The following CABP1 variants were observed in gnomAD, a reference collection of about 807,000 sequenced individuals.
CABP1 encodes the protein calcium-binding protein 1.
Under a neutral mutation model 34.3 loss-of-function variants are expected in CABP1, and 17 were observed. The observed-to-expected ratio is 0.50, with a 90% confidence interval of 0.34 to 0.74. The LOEUF is 0.74. CABP1 is among the 30% of genes least tolerant of loss of function. CABP1 has a pLI of 0.01. For synonymous variants in CABP1, 198 were observed against 229.2 expected, an observed-to-expected ratio of 0.86 and a Z score of 1.23; for missense variants, 373 against 511.1, an observed-to-expected ratio of 0.73 and a Z score of 2.61.
chr12:120,679,954 T>G, the CABP1 span, among the ~76,000 whole-genome samples: 1 of 152,196 alleles, frequency 6.6e-6, no homozygotes, highest in Admixed American at 6.5e-5. Context: ...GGCGGATCAC[T>G]TGAGGTCTGG....
At chr12:120,645,792 G>T (rs1196424935) in intron 1 of CABP1, among the ~76,000 whole-genome samples, 1 of 152,134 alleles carries the variant, frequency 6.6e-6, no homozygotes, top group Non-Finnish European at 1.5e-5. Flanking sequence ...TTGTGCCTCT[G>T]CACTCCAGCC....
chr12:120,642,898 G>A (rs1879400010), intron 1 of CABP1, among the ~76,000 whole-genome samples: 1 of 147,060 alleles, frequency 6.8e-6, no homozygotes, highest in African/African-American at 2.5e-5. Context: ...GATAGCCAGG[G>A]CCCTGGCTGT....
downstream of CABP1, among the ~76,000 whole-genome samples, chr12:120,667,514 G>A (rs1192244645): frequency 2.6e-5 from 4 of 152,042 alleles, no homozygotes; most frequent in Non-Finnish European, 5.9e-5. Context: ...TTTGAGACAG[G>A]GTCTAGCTCC....
chr12:120,661,877 C>A lies in CABP1; in HGVS notation c.1087+659C>A, dbSNP rs1440211734. The A allele has an allele frequency of 6.5e-6, 1 of 152,968 alleles. No individual in the cohort carries two copies. The highest frequency in any genetic ancestry group is 2.1e-4 in the South Asian group (1 of 4,862). 9.5% of individuals were successfully genotyped at this position (152,968 alleles called of 1,614,324 possible). On this transcript the variant is annotated intron_variant, in intron 5 of 5. Transcript: ENST00000316803. This position sits in a 1 kb window ranked among gnomAD's most constrained non-coding sequence, Gnocchi z 5.1. ...CAATTTATCCATGCATTTATCTGTC[C>A]ATTCGTGCATCTATTCATTCTTCTC... is the stretch of plus-strand genomic sequence containing the variant.
chr12:120,652,763 G>A (rs1879927784), intron 1 of CABP1, among the ~76,000 whole-genome samples: 1 of 152,128 alleles, frequency 6.6e-6, no homozygotes, highest in Admixed American at 6.6e-5. Flanking sequence ...GAGCTTTGAT[G>A]TGCATACTCT....
chr12:120,644,777 G>C (rs373881859), intron 1 of CABP1, among the ~76,000 whole-genome samples: 2 of 152,060 alleles, frequency 1.3e-5, no homozygotes, highest in African/African-American at 4.8e-5. Flanking sequence ...ACCAGCCTCC[G>C]GACTTCAGAG....
intron 1 of CABP1, chr12:120,650,658 T>G: frequency 1.2e-6 from 2 of 1,614,106 alleles, no homozygotes; most frequent in Non-Finnish European, 8.5e-7. Context: ...GTGTCAAGTA[T>G]CCACTGAGAA....
At chr12:120,674,844 T>C in the CABP1 span, among the ~76,000 whole-genome samples, 1 of 148,706 alleles carries the variant, frequency 6.7e-6, no homozygotes, top group Non-Finnish European at 1.5e-5. Flanking sequence ...TGAGCCAAGA[T>C]CCCGCCACTG....
the CABP1 span, among the ~76,000 whole-genome samples, chr12:120,678,933 C>T: frequency 1.3e-5 from 2 of 151,700 alleles, no homozygotes; most frequent in Non-Finnish European, 2.9e-5. Flanking sequence ...AGTAGCCAGG[C>T]GTGGTGGTGT....
At chr12:120,649,265 C>T (rs75261740) in intron 1 of CABP1, among the ~76,000 whole-genome samples, 107 of 152,318 alleles carry the variant, frequency 7.0e-4, no homozygotes, top group African/African-American at 2.4e-3. Context: ...GCAGCCCCCC[C>T]ACACGGGAGA....
the CABP1 span, among the ~76,000 whole-genome samples, chr12:120,679,091 A>AC: frequency 2.0e-5 from 3 of 151,074 alleles, no homozygotes; most frequent in African/African-American, 7.4e-5. Flanking sequence ...AAAAAAAAAA[A>AC]AACCAACTTT....
chr12:120,654,869 G>GA (rs1880076456), intron 1 of CABP1, among the ~76,000 whole-genome samples: 1 of 152,230 alleles, frequency 6.6e-6, no homozygotes, highest in Admixed American at 6.5e-5. Flanking sequence ...CGGCTGGTCA[G>GA]GGCCTGGGAG....
At chr12:120,651,921 T>G (rs1171688860) in intron 1 of CABP1, among the ~76,000 whole-genome samples, 1 of 152,232 alleles carries the variant, frequency 6.6e-6, no homozygotes, top group Non-Finnish European at 1.5e-5. Context: ...GAATTAGCCC[T>G]TGTAATAGGT....
chr12:120,660,935 CA>C lies in CABP1; in HGVS notation c.939+96del. The C allele has an allele frequency of 7.2e-7, 1 of 1,385,784 alleles. No homozygotes were observed. Among genetic ancestry groups the C allele is most frequent in the Non-Finnish European group, 1.0e-6 (1 of 983,188 alleles). The allele number at this position is 1,385,784 out of a possible 1,614,324, so 85.8% of individuals were successfully genotyped here. A position where few individuals can be genotyped will look rare whatever the true frequency, so the allele number is the denominator to read the frequency against. Reference sequence around the variant, plus strand: ...GAAGCCTGAGCCTCAAGTCCCAGATCAGGGGAGGGAGCTTGGACAGAGAAAG... The same window carrying C: ...GAAGCCTGAGCCTCAAGTCCCAGATCGGGGAGGGAGCTTGGACAGAGAAAG... On this transcript the variant is annotated intron_variant, in intron 4 of 5. Coordinates refer to ENST00000316803, the MANE Select transcript of CABP1 (RefSeq NM_001033677.2). This position sits in a 1 kb window ranked among gnomAD's most constrained non-coding sequence, Gnocchi z 5.0.
intron 1 of CABP1, among the ~76,000 whole-genome samples, chr12:120,652,870 G>A (rs983284841): frequency 4.6e-5 from 7 of 152,268 alleles, no homozygotes; most frequent in African/African-American, 1.4e-4. Context: ...TTGGTGCCAG[G>A]AGAAATTGTC....
At chr12:120,673,426 T>C in the CABP1 span, among the ~76,000 whole-genome samples, 1 of 151,704 alleles carries the variant, frequency 6.6e-6, no homozygotes, top group Non-Finnish European at 1.5e-5. Context: ...CTACTAAAAA[T>C]ACAAAAAATT....
chr12:120,649,092 C>A (rs977062024), intron 1 of CABP1, among the ~76,000 whole-genome samples: 2 of 151,962 alleles, frequency 1.3e-5, no homozygotes, highest in African/African-American at 4.8e-5. Flanking sequence ...GAGGTTTGGC[C>A]CAAACAAGGC....
At chr12:120,673,398 C>T in the CABP1 span, among the ~76,000 whole-genome samples, 1 of 152,046 alleles carries the variant, frequency 6.6e-6, no homozygotes, top group African/African-American at 2.4e-5. Context: ...TCCTGGCTAA[C>T]ATGGTGAAAC....
At chr12:120,654,637 CCAGGCCGAAGGCAGAGTG>C (rs11273771) in intron 1 of CABP1, among the ~76,000 whole-genome samples, 138,831 of 146,570 alleles carry the variant, frequency 0.95, 65,854 homozygotes, top group East Asian at 0.99. Context: ...TATGTAAGCT[CCAGGCCGAAGGCAGAGTG>C]CAGGCCGAAG....
Sources: allele counts gnomAD v4.1 joint callset (sites outside exome capture counted in the v4.1 genomes callset), GRCh38; gene constraint gnomAD v4.1.1; non-coding constraint Gnocchi (gnomAD v3.1); transcripts MANE v1.5; gene names NCBI Gene and HGNC (gene_info 2026-07-23, HGNC 2026-07-21).